Variants in FARP1 observed in about 807,000 individuals in gnomAD.
FARP1 encodes FERM, ARH/RhoGEF and pleckstrin domain protein 1.
A neutral mutation model predicts 128.8 loss-of-function variants in FARP1; 52 were observed. That is an observed-to-expected ratio of 0.40 (90% CI 0.32 to 0.51). The LOEUF (loss-of-function observed/expected upper bound fraction) is 0.51, where lower values mean the gene tolerates loss of function less well. Among genes scored for constraint, FARP1 ranks in the 20% least tolerant of loss-of-function variants. FARP1 has a pLI of 0.45. For missense variants in FARP1, 1,333 were observed against 1,367.9 expected, an observed-to-expected ratio of 0.97 and a Z score of 0.40; for synonymous variants, 580 against 551.8, an observed-to-expected ratio of 1.05 and a Z score of -0.72.
At chr13:98,208,912 G>C (rs1594271648) in intron 1 of FARP1, among the ~76,000 whole-genome samples, 1 of 152,218 alleles carries the variant, frequency 6.6e-6, no homozygotes. Context: ...TAAGGAAAAG[G>C]CTGAGAATGA....
intron 2 of FARP1, among the ~76,000 whole-genome samples, chr13:98,264,868 G>A (rs1182353287): frequency 2.0e-5 from 3 of 152,002 alleles, no homozygotes; most frequent in Non-Finnish European, 4.4e-5. Flanking sequence ...TCTGTAGTTC[G>A]AATTCTTACT....
chr13:98,326,134 A>G (rs758440573), intron 2 of FARP1, among the ~76,000 whole-genome samples: 6 of 152,232 alleles, frequency 3.9e-5, no homozygotes, highest in Non-Finnish European at 8.8e-5. Context: ...AAACATATGC[A>G]AAAGGACAAT....
intron 1 of FARP1, among the ~76,000 whole-genome samples, chr13:98,167,978 C>G (rs571454728): frequency 1.3e-5 from 2 of 151,826 alleles, no homozygotes; most frequent in South Asian, 4.2e-4. Context: ...CGAGACCATC[C>G]TGGCTAACAC....
intron 17 of FARP1, 59 bp from the exon 18 acceptor site, chr13:98,430,984 A>T: frequency 9.2e-7 from 1 of 1,084,724 alleles, no homozygotes; most frequent in South Asian, 1.4e-5. Context: ...GAAACTGGGC[A>T]GAACACAGGT....
intron 2 of FARP1, among the ~76,000 whole-genome samples, chr13:98,265,243 T>TC (rs1884050560): frequency 6.6e-6 from 1 of 152,040 alleles, no homozygotes; most frequent in Admixed American, 6.5e-5. Flanking sequence ...CAGATTGTGA[T>TC]ATTTTTGTGT....
intron 1 of FARP1, among the ~76,000 whole-genome samples, chr13:98,178,871 C>T (rs969039632): frequency 1.2e-4 from 19 of 152,218 alleles, no homozygotes; most frequent in Admixed American, 1.0e-3. Context: ...CAACTGTTAT[C>T]ATCCCATCTT....
At chr13:98,376,759 G>GTTT (rs34686053) in intron 5 of FARP1, among the ~76,000 whole-genome samples, 7 of 103,444 alleles carry the variant, frequency 6.8e-5, no homozygotes, top group African/African-American at 1.4e-4. Flanking sequence ...GGTTTTTTGT[G>GTTT]TTTTTTTTTT....
At chr13:98,194,558 T>C (rs902643707) in intron 1 of FARP1, among the ~76,000 whole-genome samples, 2 of 152,252 alleles carry the variant, frequency 1.3e-5, no homozygotes, top group African/African-American at 2.4e-5. Context: ...TTCAAAAAAT[T>C]GCAACCTCAG....
intron 2 of FARP1, among the ~76,000 whole-genome samples, chr13:98,311,580 T>C (rs1337015018): frequency 6.6e-6 from 1 of 152,132 alleles, no homozygotes; most frequent in Non-Finnish European, 1.5e-5. Flanking sequence ...CGTGTGTGTG[T>C]GTGCACACAC....
rs1893364962 is a variant in FARP1, at chr13:98,454,634, G to GCTT, written c.*6319_*6321dup. 1 of 152,206 alleles carries GCTT rather than the reference G, an allele frequency of 6.6e-6. No individual in the cohort carries two copies. Among genetic ancestry groups the GCTT allele is most frequent in the Non-Finnish European group, 1.5e-5 (1 of 68,032 alleles). 9.4% of individuals were successfully genotyped at this position (152,206 alleles called of 1,614,324 possible). A position where few individuals can be genotyped will look rare whatever the true frequency, so the allele number is the denominator to read the frequency against. On this transcript the variant is annotated 3_prime_UTR_variant, in exon 27 of 27. Coordinates refer to ENST00000319562, the MANE Select transcript of FARP1 (RefSeq NM_005766.4). ...GCTGAGACAGAAAGGCTCTGAAAATGCTTCAGAGGAGAGGCGGCTCTCATT... is the reference window on the plus strand; with the variant it reads ...GCTGAGACAGAAAGGCTCTGAAAATGCTTCTTCAGAGGAGAGGCGGCTCTCATT...
In FARP1 at chr13:98,439,166, C is replaced by G. The variant is rs777724042; in HGVS notation, c.2403C>G (p.Val801=). 1.2e-6 allele frequency: 2 copies of G among 1,613,682 alleles called. No homozygotes were observed. Among genetic ancestry groups the G allele is most frequent in the Admixed American group, 1.7e-5 (1 of 59,984 alleles). The change falls in exon 21 of 27, where the codon GTC becomes GTG. Residue 801 remains valine (V), a synonymous_variant. Transcript: ENST00000319562. ...RGLTASNQFK[V]HGQLPLYGMT... ...TGACGGCCTCCAATCAGTTTAAAGT[C>G]CACGGGCAGCTCCCGCTCTATGGCA...
At chr13:98,153,305 TATATATAAAA>T (rs1876167497) in intron 1 of FARP1, among the ~76,000 whole-genome samples, 3 of 44,586 alleles carry the variant, frequency 6.7e-5, no homozygotes, top group Non-Finnish European at 1.4e-4. Context: ...TAAATATATT[TATATATAAAA>T]TATATAAATA....
intron 2 of FARP1, among the ~76,000 whole-genome samples, chr13:98,304,298 A>G (rs1886044488): frequency 1.3e-5 from 2 of 152,160 alleles, no homozygotes; most frequent in South Asian, 2.1e-4. Flanking sequence ...GTTTTTACCC[A>G]TATTTACTAG....
At chr13:98,298,786 T>C (rs1160636543) in intron 2 of FARP1, among the ~76,000 whole-genome samples, 3 of 152,184 alleles carry the variant, frequency 2.0e-5, no homozygotes, top group Admixed American at 2.0e-4. Flanking sequence ...CTTGGTTGTG[T>C]AATAATGTAG....
intron 1 of FARP1, among the ~76,000 whole-genome samples, chr13:98,190,868 T>A (rs1879184510): frequency 6.6e-6 from 1 of 151,868 alleles, no homozygotes; most frequent in Non-Finnish European, 1.5e-5. Context: ...TTCAAGTAGA[T>A]CTATGAGTGA....
chr13:98,246,087 CTTTTTTTTTT>C lies in FARP1; in HGVS notation c.171+32692_171+32701del, dbSNP rs56274534. On this transcript the variant is annotated intron_variant, in intron 2 of 26. Transcript: ENST00000319562. ...CCACTGCGCCCGGCCGAGATAAATT[CTTTTTTTTTT>C]TTTTTTTTTTTTTTTTTGAGACGGA... Among the ~76,000 whole-genome samples the C allele has an allele frequency of 4.3e-3, 160 of 36,910 alleles. 1 individual carries two copies. Among genetic ancestry groups the C allele is most frequent in the South Asian group, 0.01 (5 of 490 alleles). The allele number at this position is 36,910 out of a possible 152,430, so 24.2% of individuals were successfully genotyped here.
intron 2 of FARP1, among the ~76,000 whole-genome samples, chr13:98,239,406 C>A (rs1882634225): frequency 6.6e-6 from 1 of 152,148 alleles, no homozygotes; most frequent in Admixed American, 6.5e-5. Flanking sequence ...GCCTGAGTTT[C>A]CTTACTGTTT....
chr13:98,321,673 G>C (rs1018138285), intron 2 of FARP1, among the ~76,000 whole-genome samples: 1 of 152,192 alleles, frequency 6.6e-6, no homozygotes, highest in African/African-American at 2.4e-5. Flanking sequence ...TGCTTCTTCT[G>C]TGAAATCAGT....
At chr13:98,437,074 G>A (rs1160530474) in intron 19 of FARP1, among the ~76,000 whole-genome samples, 2 of 152,138 alleles carry the variant, frequency 1.3e-5, no homozygotes, top group East Asian at 3.8e-4. Flanking sequence ...GATCAAATGA[G>A]ATTTGCTCTG....
Sources: allele counts gnomAD v4.1 joint callset (sites outside exome capture counted in the v4.1 genomes callset), GRCh38; gene constraint gnomAD v4.1.1; transcripts MANE v1.5; gene names NCBI Gene and HGNC (gene_info 2026-07-23, HGNC 2026-07-21).